The following ZNF521 variants were observed in gnomAD, a reference collection of about 807,000 sequenced individuals.
ZNF521 encodes zinc finger protein 521.
Under a neutral mutation model 105.5 loss-of-function variants are expected in ZNF521, and 14 were observed. That is an observed-to-expected ratio of 0.13 (90% CI 0.09 to 0.21). The LOEUF (loss-of-function observed/expected upper bound fraction) is 0.21. Among genes scored for constraint, ZNF521 ranks in the 10% least tolerant of loss-of-function variants. ZNF521 has a pLI of 1.00. For missense variants in ZNF521, 1,233 were observed against 1,629.7 expected, an observed-to-expected ratio of 0.76 and a Z score of 4.19; for synonymous variants, 635 against 606.0, an observed-to-expected ratio of 1.05 and a Z score of -0.70.
chr18:25,113,776 A>ACACACACACACACACACACACACACC (rs2034247550), intron 5 of ZNF521, among the ~76,000 whole-genome samples: 1 of 150,868 alleles, frequency 6.6e-6, no homozygotes, highest in African/African-American at 2.4e-5. Flanking sequence ...ACACACACAC[A>ACACACACACACACACACACACACACC]CACACACACA....
chr18:25,260,760 A>C (rs1341444827), intron 3 of ZNF521, among the ~76,000 whole-genome samples: 1 of 152,142 alleles, frequency 6.6e-6, no homozygotes, highest in African/African-American at 2.4e-5. Context: ...TTTTCTCAGC[A>C]TTATGTTATC....
At chr18:25,199,941 T>A (rs1177002720) in intron 4 of ZNF521, among the ~76,000 whole-genome samples, 3 of 152,086 alleles carry the variant, frequency 2.0e-5, no homozygotes, top group Admixed American at 2.0e-4. Context: ...ATAAACTGTT[T>A]CATACTTTAG....
chr18:25,171,234 A>G (rs982692255), intron 5 of ZNF521, among the ~76,000 whole-genome samples: 1 of 152,150 alleles, frequency 6.6e-6, no homozygotes, highest in Non-Finnish European at 1.5e-5. Flanking sequence ...ATTAGAAACC[A>G]TTACTGCATC....
chr18:25,221,978 A>G (rs1293908971), intron 4 of ZNF521, among the ~76,000 whole-genome samples: 1 of 152,186 alleles, frequency 6.6e-6, no homozygotes, highest in East Asian at 1.9e-4. Flanking sequence ...TTTATAACAA[A>G]TAGTATGATG....
Position 25,304,256 on chromosome 18 carries a change from C to A in ZNF521, c.220+17752G>T, listed in dbSNP as rs72874483. On this transcript the variant is annotated intron_variant, in intron 3 of 7. Transcript: ENST00000361524. Reference sequence around the variant, plus strand: ...TCTTTGAGACAGGCTCAACATATTTCTGTTGAATTAAGAGACTGGATGTGG... The same window carrying A: ...TCTTTGAGACAGGCTCAACATATTTATGTTGAATTAAGAGACTGGATGTGG... Among the ~76,000 whole-genome samples the A allele has an allele frequency of 9.3e-4, 141 of 152,304 alleles. 2 individuals are homozygous for A. Among genetic ancestry groups the A allele is most frequent in the Non-Finnish European group, 7.1e-4 (48 of 68,018 alleles).
intron 5 of ZNF521, among the ~76,000 whole-genome samples, chr18:25,152,223 A>T (rs966762074): frequency 6.6e-6 from 1 of 152,204 alleles, no homozygotes; most frequent in African/African-American, 2.4e-5. Context: ...TCACGCCTGT[A>T]ATCTCAACAC....
intron 5 of ZNF521, among the ~76,000 whole-genome samples, chr18:25,103,461 G>C (rs552078543): frequency 6.6e-6 from 1 of 152,216 alleles, no homozygotes; most frequent in South Asian, 2.1e-4. Flanking sequence ...GTGTTAAATT[G>C]AGTGTTTGAG....
At chr18:25,260,113 T>G (rs532875183) in intron 3 of ZNF521, among the ~76,000 whole-genome samples, 11 of 152,342 alleles carry the variant, frequency 7.2e-5, no homozygotes, top group Non-Finnish European at 1.6e-4. Flanking sequence ...GAGCATGAAC[T>G]GATTTGGTTC....
intron 2 of ZNF521, 66 bp from the exon 3 acceptor site, chr18:25,322,253 T>G: frequency 6.6e-7 from 1 of 1,506,160 alleles, no homozygotes; most frequent in Non-Finnish European, 9.2e-7. Context: ...ACATTTAATC[T>G]TCTTGCTACC....
intron 4 of ZNF521, among the ~76,000 whole-genome samples, chr18:25,212,565 A>ATATG (rs1227568202): frequency 1.2e-4 from 13 of 112,874 alleles, no homozygotes; most frequent in East Asian, 5.5e-4. Flanking sequence ...ATATATATAT[A>ATATG]TGTATAGAAA....
chr18:25,301,187 CAG>C (rs1911623774), intron 3 of ZNF521, among the ~76,000 whole-genome samples: 1 of 152,232 alleles, frequency 6.6e-6, no homozygotes, highest in East Asian at 1.9e-4. Flanking sequence ...GGGTCTCACA[CAG>C]GAGTAGAGAA....
intron 3 of ZNF521, among the ~76,000 whole-genome samples, chr18:25,286,499 A>T (rs1910715160): frequency 6.6e-6 from 1 of 152,188 alleles, no homozygotes; most frequent in Admixed American, 6.5e-5. Context: ...TCTGCCACCA[A>T]CAAAACACCC....
At chr18:25,099,370 C>G (rs2033918973) in intron 5 of ZNF521, among the ~76,000 whole-genome samples, 1 of 152,170 alleles carries the variant, frequency 6.6e-6, no homozygotes, top group Admixed American at 6.5e-5. Flanking sequence ...ATCCACCTTA[C>G]AGTGCTTGGC....
intron 4 of ZNF521, among the ~76,000 whole-genome samples, chr18:25,208,045 T>A (rs558170739): frequency 2.0e-4 from 30 of 152,090 alleles, no homozygotes; most frequent in South Asian, 6.2e-4. Context: ...GATTTTTTTT[T>A]AATTTTCTTT....
At chr18:25,273,347 C>T (rs1040422159) in intron 3 of ZNF521, 2 of 149,642 alleles carry the variant, frequency 1.3e-5, no homozygotes, top group African/African-American at 5.0e-5. Context: ...GCTAGCCCTA[C>T]TGGATAGCTT....
chr18:25,075,754 A>G (rs2033346262), intron 7 of ZNF521, among the ~76,000 whole-genome samples: 1 of 152,232 alleles, frequency 6.6e-6, no homozygotes, highest in African/African-American at 2.4e-5. Flanking sequence ...TTAAGTGGAA[A>G]CAGTCTACTG....
rs540849202 is a variant in ZNF521, at chr18:25,256,275, T to C, written c.221-28578A>G. ...GCTGGGGAGAGACGGAGATGCGGAA[T>C]TGTTTAATGAGTATAGAGTTTCAGT... is the stretch of plus-strand genomic sequence containing the variant. On this transcript the variant is annotated intron_variant, in intron 3 of 7. Coordinates refer to ENST00000361524, the MANE Select transcript of ZNF521 (RefSeq NM_015461.3). 3.3e-5 allele frequency among the ~76,000 whole-genome samples: 5 copies of C among 152,034 alleles called. No homozygotes were observed. In the South Asian group the frequency reaches 8.3e-4, roughly 25 times the overall value.
intron 3 of ZNF521, among the ~76,000 whole-genome samples, chr18:25,318,626 T>C (rs1159994056): frequency 2.0e-5 from 3 of 152,162 alleles, no homozygotes; most frequent in African/African-American, 7.2e-5. Flanking sequence ...CAGGTTTCTC[T>C]CTGTTACAGA....
intron 5 of ZNF521, among the ~76,000 whole-genome samples, chr18:25,169,702 G>T (rs1188934570): frequency 1.3e-5 from 2 of 152,102 alleles, no homozygotes; most frequent in Non-Finnish European, 2.9e-5. Context: ...AAGAGCAATT[G>T]TCCTGAAGTT....
Sources: gnomAD v4.1 joint callset for allele counts (sites outside exome capture counted in the v4.1 genomes callset) on GRCh38, gnomAD v4.1.1 for gene constraint, MANE v1.5 for transcripts, NCBI Gene and HGNC (gene_info 2026-07-23, HGNC 2026-07-21) for gene names.